Variants in FLI1 observed in about 807,000 individuals in gnomAD.
FLI1 encodes Friend leukemia integration 1 transcription factor.
FLI1 carries 13 observed loss-of-function variants against 53.1 expected under a neutral mutation model. That is an observed-to-expected ratio of 0.24 (90% CI 0.16 to 0.39). The LOEUF is 0.39. FLI1 is among the 10% of genes least tolerant of loss of function. FLI1 has a pLI of 1.00. For missense variants in FLI1, 424 were observed against 600.5 expected, an observed-to-expected ratio of 0.71 and a Z score of 3.07; for synonymous variants, 244 against 236.7, an observed-to-expected ratio of 1.03 and a Z score of -0.28.
At chr11:128,687,444 C>T (rs947317046) in intron 1 of FLI1, among the ~76,000 whole-genome samples, 3 of 152,164 alleles carry the variant, frequency 2.0e-5, no homozygotes, top group African/African-American at 4.8e-5. Context: ...GCAGCCGCGA[C>T]CTGACGCCCT....
intron 4 of FLI1, among the ~76,000 whole-genome samples, chr11:128,774,925 C>A (rs2300593): frequency 0.3 from 46,009 of 151,912 alleles, 7,108 homozygotes; most frequent in South Asian, 0.39. Context: ...GAGCAGATAA[C>A]AAGGTTGAAG....
intron 1 of FLI1, among the ~76,000 whole-genome samples, chr11:128,727,318 A>G (rs1490479882): frequency 6.6e-6 from 1 of 152,262 alleles, no homozygotes; most frequent in Non-Finnish European, 1.5e-5. Context: ...GGCAAACAGT[A>G]GCTCCTAAAT....
chr11:128,718,038 A>C (rs1331582988), intron 1 of FLI1, among the ~76,000 whole-genome samples: 1 of 152,206 alleles, frequency 6.6e-6, no homozygotes, highest in Non-Finnish European at 1.5e-5. Context: ...CCTGGCAGAG[A>C]AGCCTCATAG....
At chr11:128,712,125 G>A (rs1364776052) in intron 1 of FLI1, among the ~76,000 whole-genome samples, 1 of 152,164 alleles carries the variant, frequency 6.6e-6, no homozygotes, top group Non-Finnish European at 1.5e-5. Flanking sequence ...GATCCCTGGT[G>A]AAGGAATTAG....
intron 1 of FLI1, among the ~76,000 whole-genome samples, chr11:128,697,779 T>C (rs919284026): frequency 2.0e-5 from 3 of 152,238 alleles, no homozygotes; most frequent in Non-Finnish European, 2.9e-5. Context: ...ATGTTTATGA[T>C]GCATCTATTA....
chr11:128,786,853 C>T lies in FLI1; in HGVS notation c.655+4830C>T, dbSNP rs188850113. Among the ~76,000 whole-genome samples the T allele has an allele frequency of 5.9e-3, 904 of 152,252 alleles. 3 individuals carry two copies. Among genetic ancestry groups the T allele is most frequent in the Non-Finnish European group, 9.3e-3 (636 of 68,028 alleles). On this transcript the variant is annotated intron_variant, in intron 5 of 8. Coordinates refer to ENST00000527786, the MANE Select transcript of FLI1 (RefSeq NM_002017.5). ...TCCAAAAGACAGAGGATATTGAGTT[C>T]CTTGTTTATTAACTCCTGGAACTCA...
chr11:128,745,632 T>C (rs1376619136), intron 1 of FLI1, among the ~76,000 whole-genome samples: 1 of 152,224 alleles, frequency 6.6e-6, no homozygotes, highest in Non-Finnish European at 1.5e-5. Context: ...GGGTCTCCCC[T>C]GTCCCCATGC....
intron 1 of FLI1, among the ~76,000 whole-genome samples, chr11:128,707,102 G>A (rs370331542): frequency 2.6e-5 from 4 of 152,154 alleles, no homozygotes; most frequent in African/African-American, 7.2e-5. Flanking sequence ...ACCTGCTTGG[G>A]CGATAGCAAA....
intron 1 of FLI1, among the ~76,000 whole-genome samples, chr11:128,701,848 G>A (rs558539298): frequency 4.6e-5 from 7 of 152,266 alleles, no homozygotes; most frequent in Admixed American, 6.5e-5. Flanking sequence ...CTTTAACCTC[G>A]AATTTCTAGA....
intron 2 of FLI1, among the ~76,000 whole-genome samples, chr11:128,761,465 T>A (rs1237814668): frequency 6.6e-6 from 1 of 152,184 alleles, no homozygotes; most frequent in Admixed American, 6.5e-5. Flanking sequence ...TGAGAACACA[T>A]GGCTGAGCAG....
chr11:128,705,237 G>A (rs7128819), intron 1 of FLI1, among the ~76,000 whole-genome samples: 28,603 of 152,194 alleles, frequency 0.19, 2,904 homozygotes, highest in Middle Eastern at 0.29. Context: ...TCATGAAACT[G>A]CTCAATTCTT....
intron 5 of FLI1, among the ~76,000 whole-genome samples, chr11:128,796,153 C>T (rs367646719): frequency 2.4e-4 from 36 of 152,262 alleles, no homozygotes; most frequent in African/African-American, 5.1e-4. Flanking sequence ...AATGGATTCA[C>T]GAGAAATTAT....
intron 1 of FLI1, among the ~76,000 whole-genome samples, chr11:128,697,021 C>T (rs913619487): frequency 6.6e-6 from 1 of 152,170 alleles, no homozygotes; most frequent in African/African-American, 2.4e-5. Flanking sequence ...CCTGGAAAGG[C>T]TCTGACCGTC....
chr11:128,731,546 C>CA (rs1371046082), intron 1 of FLI1, among the ~76,000 whole-genome samples: 1 of 149,042 alleles, frequency 6.7e-6, no homozygotes, highest in Non-Finnish European at 1.5e-5. Context: ...AAACAAAAAA[C>CA]AAAAATAAAA....
intron 1 of FLI1, among the ~76,000 whole-genome samples, chr11:128,715,304 T>C (rs1938961887): frequency 6.6e-6 from 1 of 152,276 alleles, no homozygotes; most frequent in Non-Finnish European, 1.5e-5. Context: ...TTGCAATTCC[T>C]CTGGCCTTCT....
At chr11:128,777,311 C>T (rs181385362) in intron 4 of FLI1, among the ~76,000 whole-genome samples, 2 of 147,342 alleles carry the variant, frequency 1.4e-5, no homozygotes, top group East Asian at 3.9e-4. Context: ...CAAACAAGTT[C>T]GTTTTGTATG....
At chr11:128,758,979 CAA>C (rs1565485405) in intron 2 of FLI1, among the ~76,000 whole-genome samples, 4 of 152,202 alleles carry the variant, frequency 2.6e-5, no homozygotes, top group African/African-American at 9.6e-5. Context: ...GCCCCTTGGG[CAA>C]GTCATCGAAA....
intron 1 of FLI1, among the ~76,000 whole-genome samples, chr11:128,747,864 T>C (rs565441712): frequency 6.7e-4 from 102 of 152,368 alleles, no homozygotes; most frequent in Non-Finnish European, 9.6e-4. Flanking sequence ...TTCAGATGAA[T>C]GTTCTATCTC....
chr11:128,716,754 G>A (rs1939032807), intron 1 of FLI1, among the ~76,000 whole-genome samples: 1 of 152,162 alleles, frequency 6.6e-6, no homozygotes, highest in South Asian at 2.1e-4. Flanking sequence ...TGGCCACAGG[G>A]CTCTGCATTC....
Sources: allele counts gnomAD v4.1 joint callset (sites outside exome capture counted in the v4.1 genomes callset), GRCh38; gene constraint gnomAD v4.1.1; transcripts MANE v1.5; gene names NCBI Gene and HGNC (gene_info 2026-07-23, HGNC 2026-07-21).